B4GALNT2: variants seen among roughly 807,000 people sequenced by gnomAD.
B4GALNT2 encodes the protein beta-1,4-N-acetyl-galactosaminyltransferase 2 (SID blood group), also known as N-acetylneuraminylgalactosylglucosyl-glucoside beta-1,4-N- acetylgalactosaminyltransferase 2.
A neutral mutation model predicts 51.1 loss-of-function variants in B4GALNT2; 42 were observed. The observed-to-expected ratio is 0.82, with a 90% CI of 0.64 to 1.06. B4GALNT2 has a LOEUF of 1.06. Among genes scored for constraint, B4GALNT2 ranks in the 50% least tolerant of loss-of-function variants. The pLI, the probability that B4GALNT2 is intolerant of heterozygous loss-of-function variation, is 0.00. For missense variants in B4GALNT2, 602 were observed against 633.6 expected (o/e 0.95, Z 0.54); for synonymous variants, 253 against 251.7 (o/e 1.01, Z -0.05).
chr17:49,132,691 A>C (rs932180627), upstream of B4GALNT2: 2 of 1,331,846 alleles, frequency 1.5e-6, no homozygotes, highest in Non-Finnish European at 1.9e-6. Context: ...CACCTGCCCT[A>C]CTCGCCGAGA....
At chr17:49,121,037 G>A in the B4GALNT2 span, among the ~76,000 whole-genome samples, 72 of 152,140 alleles carry the variant, frequency 4.7e-4, no homozygotes, top group Admixed American at 4.7e-3. Context: ...GTCCTCTGAA[G>A]AGCTGACCCC....
chr17:49,165,593 ACTCT>A (rs1423909885), intron 8 of B4GALNT2, among the ~76,000 whole-genome samples: 1 of 30,044 alleles, frequency 3.3e-5, no homozygotes, highest in Non-Finnish European at 6.5e-5. Flanking sequence ...CTCCCTCCCC[ACTCT>A]CTCTTTCTCT....
At chr17:49,133,945 AC>A (rs1567852982) in intron 1 of B4GALNT2, among the ~76,000 whole-genome samples, 2 of 152,010 alleles carry the variant, frequency 1.3e-5, no homozygotes, top group African/African-American at 4.8e-5. Flanking sequence ...AAACAAACAA[AC>A]AAACAAAAAG....
chr17:49,134,451 C>G (rs1490760719), intron 1 of B4GALNT2, among the ~76,000 whole-genome samples: 1 of 152,246 alleles, frequency 6.6e-6, no homozygotes, highest in Non-Finnish European at 1.5e-5. Context: ...ATCACCCAGG[C>G]TGGAGTGCAG....
intron 10 of B4GALNT2, 143 bp from the exon 11 acceptor site, chr17:49,169,380 A>G: frequency 4.2e-6 from 3 of 718,012 alleles, no homozygotes; most frequent in Non-Finnish European, 7.1e-6. Flanking sequence ...TCCTAGAGTT[A>G]AGGGTGTGGC....
intron 3 of B4GALNT2, among the ~76,000 whole-genome samples, chr17:49,151,109 T>TAA (rs1160113279): frequency 0.029 from 1 of 34 alleles, no homozygotes; most frequent in South Asian, 0.5. Flanking sequence ...GCGCGGTGGC[T>TAA]CACGCCTGTA....
chr17:49,135,524 C>T (rs1249184188), intron 1 of B4GALNT2, among the ~76,000 whole-genome samples: 1 of 151,974 alleles, frequency 6.6e-6, no homozygotes, highest in Admixed American at 6.6e-5. Flanking sequence ...TCCCAAAGTG[C>T]TGGGATTACA....
chr17:49,152,938 A>G, intron 4 of B4GALNT2, 32 bp downstream of exon 4: 1 of 1,556,392 alleles, frequency 6.4e-7, no homozygotes, highest in Non-Finnish European at 8.8e-7. Context: ...GAGACCCCAG[A>G]CAACATTCTC....
the B4GALNT2 span, among the ~76,000 whole-genome samples, chr17:49,121,858 C>G: frequency 6.6e-6 from 1 of 152,084 alleles, no homozygotes; most frequent in African/African-American, 2.4e-5. Flanking sequence ...CTTCTTTAGT[C>G]CTCAGTGTAA....
chr17:49,141,010 C>T (rs1366458702), intron 1 of B4GALNT2, among the ~76,000 whole-genome samples: 1 of 151,852 alleles, frequency 6.6e-6, no homozygotes, highest in Non-Finnish European at 1.5e-5. Context: ...AGCCACCGTG[C>T]CCAGCCTCTA....
intron 1 of B4GALNT2, among the ~76,000 whole-genome samples, chr17:49,133,960 CAA>C (rs1390889227): frequency 1.3e-5 from 2 of 152,044 alleles, no homozygotes; most frequent in African/African-American, 4.8e-5. Context: ...CAAAAAGCAG[CAA>C]CACACGTTGA....
chr17:49,171,524 T>C lies in B4GALNT2; in HGVS notation c.*1796T>C, dbSNP rs118018698. On this transcript the variant is annotated 3_prime_UTR_variant, in exon 11 of 11. Transcript: ENST00000393354. Reference sequence around the variant, plus strand: ...TGATCTTATTAACAGACATTAATAGTTTCCACAAATCCTTATGTTTAGCTT... The same window carrying C: ...TGATCTTATTAACAGACATTAATAGCTTCCACAAATCCTTATGTTTAGCTT... The C allele has an allele frequency of 2.5e-6, 1 of 407,216 alleles. No individual in the cohort carries two copies. The highest frequency in any genetic ancestry group is 4.7e-6 in the Non-Finnish European group (1 of 211,360). The allele number at this position is 407,216 out of a possible 1,614,324, so 25.2% of individuals were successfully genotyped here.
At chr17:49,158,952 C>T in intron 5 of B4GALNT2, 85 bp from the exon 6 acceptor site, 1 of 1,473,080 alleles carries the variant, frequency 6.8e-7, no homozygotes, top group Admixed American at 1.8e-5. Context: ...TCTGCCCTGG[C>T]TCCTGGCCTG....
chr17:49,159,240 CA>C, intron 6 of B4GALNT2, 23 bp downstream of exon 6: 1 of 1,610,416 alleles, frequency 6.2e-7, no homozygotes, highest in Non-Finnish European at 8.5e-7. Context: ...CCTTGGAGTG[CA>C]AAATGCTTAG....
chr17:49,168,709 T>G lies in B4GALNT2; in HGVS notation c.1124T>G (p.Phe375Cys). The change falls in exon 10 of 11, where the codon TTC (phenylalanine) becomes TGC (cysteine). Residue 375 changes from phenylalanine to cysteine, a missense_variant. Phe to Cys is a radical substitution (Grantham distance 205, BLOSUM62 -2). Transcript: ENST00000393354. ...VVGGSVLGNV[F>C]QFKLLLEQSE... ...GGCGGCAGTGTGCTGGGAAATGTGT[T>G]CCAGTTTAAGTTGTTGCTGGAACAG... is the stretch of plus-strand genomic sequence containing the variant. 2 of 1,614,022 alleles carry G rather than the reference T, an allele frequency of 1.2e-6. No homozygotes were observed. Among genetic ancestry groups the G allele is most frequent in the Non-Finnish European group, 1.7e-6 (2 of 1,179,994 alleles).
At chr17:49,160,716 C>T in intron 7 of B4GALNT2, 75 bp downstream of exon 7, 2 of 1,349,910 alleles carry the variant, frequency 1.5e-6, no homozygotes, top group Non-Finnish European at 2.1e-6. Context: ...GGGATCACCT[C>T]TGAGACGGAG....
chr17:49,121,820 G>A, the B4GALNT2 span, among the ~76,000 whole-genome samples: 78,218 of 152,038 alleles, frequency 0.51, 20,489 homozygotes, highest in Middle Eastern at 0.62. Flanking sequence ...CAGCTATCAG[G>A]GCTCCAGGTG....
At chr17:49,150,087 C>G (rs928254590) in intron 3 of B4GALNT2, among the ~76,000 whole-genome samples, 20 of 152,150 alleles carry the variant, frequency 1.3e-4, no homozygotes, top group East Asian at 1.9e-4. Context: ...GTCAGCCCCC[C>G]ACCTGGCCAG....
In B4GALNT2 at chr17:49,170,398, G is replaced by C. The variant is rs2042950335; in HGVS notation, c.*670G>C. Reference sequence around the variant, plus strand: ...AGGAGGGCCCTGGGGCCATCCCACTGTCCACCAGAACAAAGGCTGCCCTGG... The same window carrying C: ...AGGAGGGCCCTGGGGCCATCCCACTCTCCACCAGAACAAAGGCTGCCCTGG... On this transcript the variant is annotated 3_prime_UTR_variant, in exon 11 of 11. Transcript: ENST00000393354. The C allele has an allele frequency of 6.6e-6, 1 of 152,354 alleles. No homozygotes were observed. Among genetic ancestry groups the C allele is most frequent in the African/African-American group, 2.4e-5 (1 of 41,476 alleles). The allele number at this position is 152,354 out of a possible 1,614,324, so 9.4% of individuals were successfully genotyped here.
Sources: gnomAD v4.1 joint callset for allele counts (sites outside exome capture counted in the v4.1 genomes callset) on GRCh38, gnomAD v4.1.1 for gene constraint, MANE v1.5 for transcripts, NCBI Gene and HGNC (gene_info 2026-07-23, HGNC 2026-07-21) for gene names.